GSTA5: variants seen among roughly 807,000 people sequenced by gnomAD.
GSTA5 encodes the protein glutathione S-transferase alpha 5.
In GSTA5, 25 loss-of-function variants were observed where a neutral mutation model predicts 21.8. That is an observed-to-expected ratio of 1.14 (90% confidence interval 0.83 to 1.60). The LOEUF is 1.60. Ranked by LOEUF, GSTA5 falls within the 40% of genes most tolerant of loss-of-function variation. The pLI is 0.00. For synonymous variants in GSTA5, 102 were observed against 89.5 expected (o/e 1.14, Z -0.78); for missense variants, 330 against 259.2 (o/e 1.27, Z -1.88).
chr6:52,831,952 T>A (rs779735170), exon 6 of GSTA5: 2 of 1,613,370 alleles, frequency 1.2e-6, no homozygotes, highest in Admixed American at 3.3e-5. Context: ...GGCAGGTTGC[T>A]GATTCTGGTT....
At chr6:52,842,683 G>A (rs560162597), upstream of GSTA5, among the ~76,000 whole-genome samples, 391 of 152,210 alleles carry the variant, frequency 2.6e-3, 2 homozygotes, top group African/African-American at 5.8e-3. Context: ...GGAATTACAG[G>A]CGTGAGCCAC....
At chr6:52,843,744 A>G (rs1410146300), upstream of GSTA5, among the ~76,000 whole-genome samples, 1 of 152,206 alleles carries the variant, frequency 6.6e-6, no homozygotes, top group African/African-American at 2.4e-5. Context: ...AGTTCACACA[A>G]AAGTGTGGGG....
intron 4 of GSTA5, 124 bp from the exon 5 acceptor site, chr6:52,833,114 T>G (rs1764241487): frequency 9.4e-7 from 1 of 1,058,430 alleles, no homozygotes; most frequent in Non-Finnish European, 1.4e-6. Context: ...GGTGCAGAAA[T>G]CCCAAGCTTT....
chr6:52,840,232 A>G (rs1200551499), intron 1 of GSTA5, among the ~76,000 whole-genome samples: 1 of 152,216 alleles, frequency 6.6e-6, no homozygotes, highest in Non-Finnish European at 1.5e-5. Flanking sequence ...ATTATCAACC[A>G]AAACCAATGT....
chr6:52,842,908 C>G (rs1380503223), upstream of GSTA5, among the ~76,000 whole-genome samples: 1 of 152,128 alleles, frequency 6.6e-6, no homozygotes, highest in Non-Finnish European at 1.5e-5. Flanking sequence ...CCTAGGCCCC[C>G]ACCCCACTAT....
intron 3 of GSTA5, among the ~76,000 whole-genome samples, chr6:52,834,891 C>A (rs991528329): frequency 2.6e-5 from 4 of 152,138 alleles, no homozygotes; most frequent in African/African-American, 9.7e-5. Flanking sequence ...TTCCTGAGAC[C>A]CCACCTAAGA....
chr6:52,840,767 A>C, exon 1 of GSTA5: 4 of 1,614,176 alleles, frequency 2.5e-6, no homozygotes, highest in Non-Finnish European at 2.5e-6. Flanking sequence ...AATGGACTCC[A>C]TACTGCCCCG....
At chr6:52,843,019 G>T (rs1288095420), upstream of GSTA5, among the ~76,000 whole-genome samples, 1 of 152,098 alleles carries the variant, frequency 6.6e-6, no homozygotes, top group Admixed American at 6.6e-5. Flanking sequence ...TTCTGTTCTT[G>T]TGATAGCTTA....
At chr6:52,834,056 G>T (rs1485054075) in intron 4 of GSTA5, 85 bp downstream of exon 4, 4 of 1,450,438 alleles carry the variant, frequency 2.8e-6, no homozygotes, top group African/African-American at 1.4e-5. Flanking sequence ...GAAAGTGAAG[G>T]TCAGTGGCCC....
intron 3 of GSTA5, among the ~76,000 whole-genome samples, chr6:52,835,290 G>A (rs2127323647): frequency 6.6e-6 from 1 of 152,246 alleles, no homozygotes; most frequent in Non-Finnish European, 1.5e-5. Flanking sequence ...TCTGTGTCTT[G>A]TGTATTTTAT....
chr6:52,832,044 G>A (rs1451305150), intron 5 of GSTA5, 74 bp from the exon 6 acceptor site: 7 of 1,548,244 alleles, frequency 4.5e-6, no homozygotes, highest in African/African-American at 4.2e-5. Flanking sequence ...CAGGGAATGT[G>A]AGCCCCTCAT....
chr6:52,839,122 G>A (rs955376324), intron 1 of GSTA5, among the ~76,000 whole-genome samples: 5 of 152,168 alleles, frequency 3.3e-5, no homozygotes, highest in Non-Finnish European at 7.3e-5. Context: ...ACAAACCTAA[G>A]GAACGGTGGG....
At chr6:52,837,416 T>A (rs913781276) in intron 2 of GSTA5, 142 bp downstream of exon 2, 1 of 529,558 alleles carries the variant, frequency 1.9e-6, no homozygotes. Flanking sequence ...AGGAGCCACA[T>A]CCCTTCCATT....
intron 2 of GSTA5, among the ~76,000 whole-genome samples, chr6:52,837,260 C>G (rs1040819241): frequency 2.0e-5 from 3 of 152,176 alleles, no homozygotes; most frequent in African/African-American, 7.2e-5. Flanking sequence ...CTATGGGATC[C>G]TGTGCTGATA....
At chr6:52,834,211 T>G in exon 4 of GSTA5, 1 of 1,614,096 alleles carries the variant, frequency 6.2e-7, no homozygotes, top group Non-Finnish European at 8.5e-7. Flanking sequence ...ATCTCTTTCC[T>G]CTGGTTGACA....
At chr6:52,834,112 TC>T in intron 4 of GSTA5, 28 bp downstream of exon 4, 1 of 1,613,818 alleles carries the variant, frequency 6.2e-7, no homozygotes, top group Non-Finnish European at 8.5e-7. Context: ...TAAACTCAGT[TC>T]CCCTAAACAT....
chr6:52,834,274 A>G (rs1465377651), exon 4 of GSTA5: 1 of 1,608,010 alleles, frequency 6.2e-7, no homozygotes, highest in Admixed American at 1.7e-5. Context: ...TTCTGTGTAC[A>G]TATCAATCCT....
At chr6:52,833,971 A>T (rs1764254371) in intron 4 of GSTA5, among the ~76,000 whole-genome samples, 170 bp downstream of exon 4, 1 of 152,168 alleles carries the variant, frequency 6.6e-6, no homozygotes, top group Non-Finnish European at 1.5e-5. Flanking sequence ...AAGTGGTACA[A>T]TTGTTCCTCC....
chr6:52,837,947 C>T (rs1290441216), intron 1 of GSTA5, among the ~76,000 whole-genome samples: 3 of 152,192 alleles, frequency 2.0e-5, no homozygotes, highest in Non-Finnish European at 2.9e-5. Context: ...TAGTAAAGCC[C>T]GTGTCTCCAG....
Sources: gnomAD v4.1 joint callset for allele counts (sites outside exome capture counted in the v4.1 genomes callset) on GRCh38, gnomAD v4.1.1 for gene constraint, MANE v1.5 for transcripts, NCBI Gene and HGNC (gene_info 2026-07-23, HGNC 2026-07-21) for gene names.